Variants in TCF12 observed in about 807,000 individuals in gnomAD.
TCF12 encodes the protein transcription factor 12, also known as DNA-binding protein HTF4.
Under a neutral mutation model 86.0 loss-of-function variants are expected in TCF12, and 45 were observed. The observed-to-expected ratio is 0.52, with a 90% CI of 0.41 to 0.67. The LOEUF is 0.67. Ranked by LOEUF, TCF12 falls within the 30% of genes least tolerant of loss-of-function variation. The pLI, the probability that TCF12 is intolerant of heterozygous loss-of-function variation, is 0.00. For synonymous variants in TCF12, 330 were observed against 299.6 expected, an observed-to-expected ratio of 1.10 and a Z score of -1.05; for missense variants, 881 against 859.9, an observed-to-expected ratio of 1.02 and a Z score of -0.31.
chr15:56,918,377 AGGAGGCCCGGACGAG>A, upstream of TCF12: 1 of 382,784 alleles, frequency 2.6e-6, no homozygotes, highest in South Asian at 1.8e-5. Flanking sequence ...CCCCGCTCCC[AGGAGGCCCGGACGAG>A]GCTTCGTCGG....
In TCF12 at chr15:56,961,308, G is replaced by A. The variant is rs534476201; in HGVS notation, c.148+40210G>A. On this transcript the variant is annotated intron_variant, in intron 3 of 20. Coordinates refer to ENST00000333725, the MANE Select transcript of TCF12 (RefSeq NM_207037.2). The stretch of plus-strand genomic sequence containing the variant: ...AATAATTGCAATAGAAATATATACC[G>A]TTTTGGATTTGTAAACATCTTAGAA... 4.6e-5 allele frequency among the ~76,000 whole-genome samples: 7 copies of A among 152,150 alleles called. No homozygotes were observed. The East Asian group carries it at 9.7e-4, about 21-fold the overall frequency.
chr15:56,931,958 A>G (rs1429460046), intron 3 of TCF12, among the ~76,000 whole-genome samples: 3 of 152,312 alleles, frequency 2.0e-5, no homozygotes, highest in Non-Finnish European at 4.4e-5. Context: ...TAAAGTTTGT[A>G]GGGGTTTGAG....
At chr15:57,194,209 C>T (rs1566895638) in intron 7 of TCF12, among the ~76,000 whole-genome samples, 1 of 152,116 alleles carries the variant, frequency 6.6e-6, no homozygotes, top group Non-Finnish European at 1.5e-5. Flanking sequence ...CTTGTATCTT[C>T]TTCATTTTAA....
intron 8 of TCF12, among the ~76,000 whole-genome samples, chr15:57,199,751 T>C (rs547743346): frequency 5.4e-4 from 82 of 152,356 alleles, no homozygotes; most frequent in African/African-American, 1.8e-3. Context: ...AGCCTACTTA[T>C]ATATTGTATT....
At chr15:57,215,376 C>G (rs1235330194) in intron 8 of TCF12, among the ~76,000 whole-genome samples, 1 of 152,108 alleles carries the variant, frequency 6.6e-6, no homozygotes, top group Non-Finnish European at 1.5e-5. Flanking sequence ...TCTATCCTCA[C>G]CCCTACCTCC....
intron 6 of TCF12, among the ~76,000 whole-genome samples, chr15:57,174,625 A>G (rs181230917): frequency 4.6e-5 from 7 of 152,260 alleles, no homozygotes; most frequent in African/African-American, 1.7e-4. Flanking sequence ...GTACATAGGA[A>G]ATCCTAAGGA....
intron 5 of TCF12, among the ~76,000 whole-genome samples, chr15:57,121,719 C>CA (rs1407612254): frequency 1.3e-5 from 2 of 152,196 alleles, no homozygotes; most frequent in African/African-American, 2.4e-5. Context: ...TTAGACTTCT[C>CA]AGTCTCTAGA....
intron 5 of TCF12, chr15:57,109,254 A>G (rs771150270): frequency 4.6e-5 from 7 of 152,144 alleles, no homozygotes; most frequent in Non-Finnish European, 8.8e-5. Context: ...ATTTGTAGCT[A>G]TGCCTCAGTG....
intron 5 of TCF12, among the ~76,000 whole-genome samples, chr15:57,101,848 C>T (rs2049778354): frequency 1.3e-5 from 2 of 152,128 alleles, no homozygotes; most frequent in African/African-American, 4.8e-5. Flanking sequence ...TAGTCCACTT[C>T]ACAGCAAATT....
At chr15:57,056,756 G>C (rs2068063019) in intron 3 of TCF12, among the ~76,000 whole-genome samples, 1 of 151,666 alleles carries the variant, frequency 6.6e-6, no homozygotes, top group Non-Finnish European at 1.5e-5. Flanking sequence ...ACCACACCTG[G>C]CTTAATTTTA....
At chr15:57,069,410 T>C (rs1383903650) in intron 4 of TCF12, among the ~76,000 whole-genome samples, 1 of 152,240 alleles carries the variant, frequency 6.6e-6, no homozygotes, top group African/African-American at 2.4e-5. Context: ...AAAAATGAAT[T>C]GCTAAATGTC....
At chr15:56,984,571 A>G (rs886996816) in intron 3 of TCF12, among the ~76,000 whole-genome samples, 8 of 152,166 alleles carry the variant, frequency 5.3e-5, no homozygotes, top group African/African-American at 1.9e-4. Flanking sequence ...AAAAAAATTC[A>G]AACGGTCATA....
chr15:57,163,609 G>GGGA (rs1164957307), intron 5 of TCF12, among the ~76,000 whole-genome samples: 1 of 151,818 alleles, frequency 6.6e-6, no homozygotes, highest in East Asian at 1.9e-4. Flanking sequence ...AGGCTGAGGT[G>GGGA]GGAGGATTGC....
chr15:57,070,850 T>TAAATGAAC (rs1876839471), intron 4 of TCF12, among the ~76,000 whole-genome samples: 2 of 152,254 alleles, frequency 1.3e-5, no homozygotes, highest in South Asian at 4.1e-4. Flanking sequence ...TGGTGGGTAG[T>TAAATGAAC]TCATTTACAT....
intron 3 of TCF12, among the ~76,000 whole-genome samples, chr15:57,058,123 A>G (rs983510206): frequency 6.6e-6 from 1 of 152,208 alleles, no homozygotes; most frequent in Non-Finnish European, 1.5e-5. Flanking sequence ...AGTGACCACC[A>G]TATCACTATA....
intron 3 of TCF12, among the ~76,000 whole-genome samples, chr15:56,992,953 G>A (rs887530899): frequency 2.0e-5 from 3 of 152,264 alleles, no homozygotes; most frequent in East Asian, 1.9e-4. Flanking sequence ...CATGCACCCC[G>A]TCTTTCTCAC....
rs553174839 is a variant in TCF12 at position 57,064,935 on chromosome 15, A to G, written c.222+1112A>G. 2.5e-3 allele frequency among the ~76,000 whole-genome samples: 383 copies of G among 152,258 alleles called. 1 individual carries two copies. Among genetic ancestry groups the G allele is most frequent in the South Asian group, 4.6e-3 (22 of 4,820 alleles). ...AAGATTTATGGGTAGTTAATCCTAG[A>G]AGCAAATTGCCTTAATGGGAGGAAA... On this transcript the variant is annotated intron_variant, in intron 4 of 20. Coordinates refer to ENST00000333725, the MANE Select transcript of TCF12 (RefSeq NM_207037.2).
rs143594616 is a variant in TCF12, at chr15:56,951,052, G to A, written c.148+29954G>A. 7.9e-5 allele frequency among the ~76,000 whole-genome samples: 12 copies of A among 152,030 alleles called. No homozygotes were observed. In the East Asian group the frequency reaches 2.3e-3, roughly 29 times the overall value. ...ATTACAGATACGAGCCACTGCGCCCGGCCATTATGACCATTCTTAATGCAA... is the reference window on the plus strand; with the variant it reads ...ATTACAGATACGAGCCACTGCGCCCAGCCATTATGACCATTCTTAATGCAA... On this transcript the variant is annotated intron_variant, in intron 3 of 20. Coordinates refer to ENST00000333725, the MANE Select transcript of TCF12 (RefSeq NM_207037.2).
chr15:57,056,056 C>T (rs534872788), intron 3 of TCF12, among the ~76,000 whole-genome samples: 28 of 151,406 alleles, frequency 1.8e-4, no homozygotes, highest in Non-Finnish European at 3.7e-4. Flanking sequence ...CTGTTATCTC[C>T]ATTTACTCTT....
Sources: allele counts gnomAD v4.1 joint callset (sites outside exome capture counted in the v4.1 genomes callset), GRCh38; gene constraint gnomAD v4.1.1; transcripts MANE v1.5; gene names NCBI Gene and HGNC (gene_info 2026-07-23, HGNC 2026-07-21).